TP53INP2: variants seen among roughly 807,000 people sequenced by gnomAD.
TP53INP2 encodes tumor protein p53 inducible nuclear protein 2.
A neutral mutation model predicts 17.1 loss-of-function variants in TP53INP2; 12 were observed. The ratio of observed to expected loss-of-function variants is 0.70; its 90% CI spans 0.45 to 1.14. The LOEUF (loss-of-function observed/expected upper bound fraction) is 1.14, where lower values mean the gene tolerates loss of function less well. Among genes scored for constraint, TP53INP2 ranks in the 50% most tolerant of loss-of-function variants. The probability of loss-of-function intolerance (pLI) is 0.00; values close to 1 mark genes in which losing one functional copy is unlikely to be tolerated. For synonymous variants in TP53INP2, 145 were observed against 147.3 expected (o/e 0.98, Z 0.12); for missense variants, 342 against 330.9 (o/e 1.03, Z -0.26).
rs935354032 is a variant in TP53INP2 at position 34,710,523 on chromosome 20, A to T, written c.*216A>T. The T allele has an allele frequency of 1.4e-5, 6 of 434,658 alleles. No homozygotes were observed. Among genetic ancestry groups the T allele is most frequent in the Non-Finnish European group, 2.3e-5 (6 of 263,502 alleles). 26.9% of individuals were successfully genotyped at this position (434,658 alleles called of 1,614,324 possible). A position where few individuals can be genotyped will look rare whatever the true frequency, so the allele number is the denominator to read the frequency against. On this transcript the variant is annotated 3_prime_UTR_variant, in exon 5 of 5. Transcript: ENST00000374810. The surrounding 1 kb of genome is among the most constrained non-coding windows in gnomAD (Gnocchi z 4.9). ...ACCCTCACTCCTGGTCCCCATACCC[A>T]GCATCTAATCATCCATGCCCCCTAC... is the stretch of plus-strand genomic sequence containing the variant.
At position 34,709,439 on chromosome 20, in the gene TP53INP2, G is replaced by A. The variant is rs377176648; in HGVS notation, c.328G>A (p.Val110Ile). ...LIEHPSMSVY[V>I]TGSTIVLEPG... is the part of the protein sequence containing the mutation. ...CGAGCACCCCAGCATGTCCGTTTAC[G>A]TCACCGGCAGCACCATAGTGCTAGA... The change falls in exon 4 of 5, where the codon GTC becomes ATC. Residue 110 changes from valine to isoleucine, a missense_variant. Transcript: ENST00000374810. This position sits in a 1 kb window ranked among gnomAD's most constrained non-coding sequence, Gnocchi z 5.4. 25 of 1,613,710 alleles carry A rather than the reference G, an allele frequency of 1.5e-5. No individual in the cohort carries two copies. The highest frequency in any genetic ancestry group is 1.9e-5 in the Non-Finnish European group (23 of 1,179,878).
rs766798445 is a variant in TP53INP2, at chr20:34,713,299, C to CA, written c.*2994dup. 4.6e-5 allele frequency: 7 copies of CA among 152,644 alleles called. No homozygotes were observed. The highest frequency in any genetic ancestry group is 1.0e-4 in the Non-Finnish European group (7 of 68,044). 9.5% of individuals were successfully genotyped at this position (152,644 alleles called of 1,614,324 possible). A position where few individuals can be genotyped will look rare whatever the true frequency, so the allele number is the denominator to read the frequency against. On this transcript the variant is annotated 3_prime_UTR_variant, in exon 5 of 5. Transcript: ENST00000374810. ...TGACGTGTCAACAGACTCAAGGAGA[C>CA]AACCACCTCAACTGGGTCATGTGGC...
rs1417421423 is a variant in TP53INP2, at chr20:34,712,388, A to T, written c.*2081A>T. ...TTTAAGTTATAGGGCATTTGGCTCAAATTTTAAAAGGCCTTTTGTTTACCT... is the reference window on the plus strand; with the variant it reads ...TTTAAGTTATAGGGCATTTGGCTCATATTTTAAAAGGCCTTTTGTTTACCT... On this transcript the variant is annotated 3_prime_UTR_variant, in exon 5 of 5. Coordinates refer to ENST00000374810, the MANE Select transcript of TP53INP2 (RefSeq NM_021202.3). 1 of 152,520 alleles carries T rather than the reference A, an allele frequency of 6.6e-6. No homozygotes were observed. The highest frequency in any genetic ancestry group is 1.9e-4 in the East Asian group (1 of 5,186). 9.4% of individuals were successfully genotyped at this position (152,520 alleles called of 1,614,324 possible). A position where few individuals can be genotyped will look rare whatever the true frequency, so the allele number is the denominator to read the frequency against.
At position 34,709,417 on chromosome 20, in the gene TP53INP2, G is replaced by A. The variant is rs1293020349; in HGVS notation, c.306G>A (p.Glu102=). The part of the protein sequence containing the change: ...QSSPLEDLLI[E]HPSMSVYVTG... Reference sequence around the variant, plus strand: ...GTCCCCTGGAGGACCTCCTCATCGAGCACCCCAGCATGTCCGTTTACGTCA... The same window carrying A: ...GTCCCCTGGAGGACCTCCTCATCGAACACCCCAGCATGTCCGTTTACGTCA... Residue 102 remains glutamate, a synonymous_variant, in exon 4 of 5, where the codon GAG becomes GAA. Transcript: ENST00000374810. The surrounding 1 kb of genome is among the most constrained non-coding windows in gnomAD (Gnocchi z 5.4). 1 of 1,613,904 alleles carries A rather than the reference G, an allele frequency of 6.2e-7. No individual in the cohort carries two copies. The highest frequency in any genetic ancestry group is 1.3e-5 in the African/African-American group (1 of 75,044).
chr20:34,707,635 T>C (rs56917858), intron 2 of TP53INP2, among the ~76,000 whole-genome samples: 5,469 of 152,230 alleles, frequency 0.036, 313 homozygotes, highest in African/African-American at 0.12. Flanking sequence ...CTTTGTCTCC[T>C]ACTAGCTCTG....
Position 34,712,505 on chromosome 20 carries a change from G to A in TP53INP2, c.*2198G>A, listed in dbSNP as rs1165735033. The A allele has an allele frequency of 6.6e-6, 1 of 152,582 alleles. No homozygotes were observed. Among genetic ancestry groups the A allele is most frequent in the East Asian group, 1.9e-4 (1 of 5,200 alleles). 9.5% of individuals were successfully genotyped at this position (152,582 alleles called of 1,614,324 possible). A position where few individuals can be genotyped will look rare whatever the true frequency, so the allele number is the denominator to read the frequency against. ...TTTTTGTACCTTTCCTATAGATTCT[G>A]TAGCATTTGAGTGTGGCAATATTTT... On this transcript the variant is annotated 3_prime_UTR_variant, in exon 5 of 5. Transcript: ENST00000374810.
intron 2 of TP53INP2, among the ~76,000 whole-genome samples, chr20:34,708,402 T>C (rs575542252): frequency 2.6e-4 from 39 of 152,352 alleles, no homozygotes; most frequent in African/African-American, 9.1e-4. Context: ...ATTATTAGCT[T>C]ATTTAATTCT....
In TP53INP2 at chr20:34,708,819, C is replaced by G; in HGVS notation, c.80C>G (p.Ser27Trp). The G allele has an allele frequency of 1.2e-6, 2 of 1,613,850 alleles. No homozygotes were observed. The highest frequency in any genetic ancestry group is 1.7e-6 in the Non-Finnish European group (2 of 1,179,918). The change falls in exon 3 of 5, where the codon TCG (serine) becomes TGG (tryptophan). Residue 27 changes from serine (S) to tryptophan (W), a missense_variant. By Grantham distance (177) the Ser-to-Trp change is radical. Transcript: ENST00000374810. ...EDPDCPRAFV[S>W]EEDEVDGWLI... ...CCCGACTGCCCCCGCGCCTTCGTGT[C>G]GGAGGAGGATGAAGTGGACGGCTGG...
At chr20:34,706,130 C>A (rs1312361980) in intron 2 of TP53INP2, among the ~76,000 whole-genome samples, 2 of 152,120 alleles carry the variant, frequency 1.3e-5, no homozygotes, top group Non-Finnish European at 2.9e-5. Context: ...TAACCCCAGA[C>A]CCTTTTGTAG....
Position 34,709,175 on chromosome 20 carries a change from GT to G in TP53INP2, c.125-60del. 1 of 1,491,884 alleles carries G rather than the reference GT, an allele frequency of 6.7e-7. No individual in the cohort carries two copies. Among genetic ancestry groups the G allele is most frequent in the Non-Finnish European group, 8.9e-7 (1 of 1,120,638 alleles). The allele number at this position is 1,491,884 out of a possible 1,614,324, so 92.4% of individuals were successfully genotyped here. A position where few individuals can be genotyped will look rare whatever the true frequency, so the allele number is the denominator to read the frequency against. Reference sequence around the variant, plus strand: ...CCCCTTGTCCGGTGTGTGTGTGTGTGTGTGTGTGTGCCTCCTCGCTGCTCCC... The same window carrying G: ...CCCCTTGTCCGGTGTGTGTGTGTGTGGTGTGTGTGCCTCCTCGCTGCTCCC... On this transcript the variant is annotated intron_variant, in intron 3 of 4. Transcript: ENST00000374810. The surrounding 1 kb of genome is among the most constrained non-coding windows in gnomAD (Gnocchi z 5.4).
In TP53INP2 at chr20:34,709,318, G is replaced by T. The variant is rs376280741; in HGVS notation, c.207G>T (p.Glu69Asp). ...RPPPAPSLMDESWFVTPPACF... is the reference protein window; with the variant it reads ...RPPPAPSLMDDSWFVTPPACF... ...CGCCCGCGCCCTCCTTGATGGACGA[G>T]AGCTGGTTTGTTACCCCTCCCGCCT... The change falls in exon 4 of 5, where the codon GAG becomes GAT. Residue 69 changes from glutamate (E) to aspartate (D), a missense_variant. By Grantham distance (45) the Glu-to-Asp change is conservative (BLOSUM62 2). Coordinates refer to ENST00000374810, the MANE Select transcript of TP53INP2 (RefSeq NM_021202.3). The surrounding 1 kb of genome is among the most constrained non-coding windows in gnomAD (Gnocchi z 5.4). The T allele has an allele frequency of 6.2e-7, 1 of 1,613,078 alleles. No individual in the cohort carries two copies. The highest frequency in any genetic ancestry group is 8.5e-7 in the Non-Finnish European group (1 of 1,179,724).
At position 34,710,030 on chromosome 20, in the gene TP53INP2, T is replaced by A; in HGVS notation, c.414-28T>A. On this transcript the variant is annotated intron_variant, in intron 4 of 4. Transcript: ENST00000374810. This position sits in a 1 kb window ranked among gnomAD's most constrained non-coding sequence, Gnocchi z 4.9. The stretch of plus-strand genomic sequence containing the variant: ...AGACCCCCCGCCCAGCTTACCCGGC[T>A]TGACCGAGCCTGGCTCTGTCCTCAC... The A allele has an allele frequency of 7.9e-7, 1 of 1,266,372 alleles. No individual in the cohort carries two copies. The highest frequency in any genetic ancestry group is 1.0e-6 in the Non-Finnish European group (1 of 999,740). 78.4% of individuals were successfully genotyped at this position (1,266,372 alleles called of 1,614,324 possible).
chr20:34,708,549 A>T, intron 2 of TP53INP2, 142 bp from the exon 3 acceptor site: 1 of 485,854 alleles, frequency 2.1e-6, no homozygotes, highest in Non-Finnish European at 3.6e-6. Context: ...CAGAAAGCAC[A>T]TCTTCCCAAA....
At chr20:34,707,925 C>G (rs1033593845) in intron 2 of TP53INP2, among the ~76,000 whole-genome samples, 4 of 152,162 alleles carry the variant, frequency 2.6e-5, no homozygotes, top group African/African-American at 9.7e-5. Context: ...CCACGCCCAG[C>G]TAATTTTTGT....
rs556966089 is a variant in TP53INP2, at chr20:34,708,350, T to C, written c.-49-341T>C. Among the ~76,000 whole-genome samples, 5 of 152,320 alleles carry C rather than the reference T, an allele frequency of 3.3e-5. No individual in the cohort carries two copies. In the South Asian group the frequency reaches 1.0e-3, roughly 32 times the overall value. ...TTTTTTTCTCATTCAATAACTTTGG[T>C]ATAGCTCATTTAATTCTTATTAGAG... On this transcript the variant is annotated intron_variant, in intron 2 of 4. Coordinates refer to ENST00000374810, the MANE Select transcript of TP53INP2 (RefSeq NM_021202.3).
rs1335581985 is a variant in TP53INP2, at chr20:34,711,974, C to G, written c.*1667C>G. ...ATGAGGGCAAAGGCAGCTGCCCTCC[C>G]TGACCCTATAGCCCCAGGCCTCATG... On this transcript the variant is annotated 3_prime_UTR_variant, in exon 5 of 5. Coordinates refer to ENST00000374810, the MANE Select transcript of TP53INP2 (RefSeq NM_021202.3). This position sits in a 1 kb window ranked among gnomAD's most constrained non-coding sequence, Gnocchi z 4.1. The G allele has an allele frequency of 1.3e-5, 2 of 152,656 alleles. No individual in the cohort carries two copies. Among genetic ancestry groups the G allele is most frequent in the Non-Finnish European group, 2.9e-5 (2 of 68,150 alleles). The allele number at this position is 152,656 out of a possible 1,614,324, so 9.5% of individuals were successfully genotyped here.
At chr20:34,708,225 A>G (rs1036569463) in intron 2 of TP53INP2, among the ~76,000 whole-genome samples, 2 of 152,168 alleles carry the variant, frequency 1.3e-5, no homozygotes, top group East Asian at 3.8e-4. Context: ...GCACCCTGTA[A>G]TAATAACTAA....
At chr20:34,705,240 G>A (rs1213161749) in intron 1 of TP53INP2, 118 bp from the exon 2 acceptor site, 2 of 152,214 alleles carry the variant, frequency 1.3e-5, no homozygotes, top group African/African-American at 4.8e-5. Flanking sequence ...GACATAATAG[G>A]GGCTCAGTAC....
rs1185792357 is a variant in TP53INP2, at chr20:34,709,724, G to A, written c.413+200G>A. 1.3e-5 allele frequency among the ~76,000 whole-genome samples: 2 copies of A among 152,148 alleles called. No homozygotes were observed. Among genetic ancestry groups the A allele is most frequent in the African/African-American group, 4.8e-5 (2 of 41,442 alleles). ...GGCTAGAAGCGGGCCTGAGGACGGAGGGGCGGGGCTTGAGAGGGAGGGGCG... is the reference window on the plus strand; with the variant it reads ...GGCTAGAAGCGGGCCTGAGGACGGAAGGGCGGGGCTTGAGAGGGAGGGGCG... On this transcript the variant is annotated intron_variant, in intron 4 of 4. Transcript: ENST00000374810. This position sits in a 1 kb window ranked among gnomAD's most constrained non-coding sequence, Gnocchi z 5.4.
Sources: allele counts gnomAD v4.1 joint callset (sites outside exome capture counted in the v4.1 genomes callset), GRCh38; gene constraint gnomAD v4.1.1; non-coding constraint Gnocchi (gnomAD v3.1); transcripts MANE v1.5; gene names NCBI Gene and HGNC (gene_info 2026-07-23, HGNC 2026-07-21).